Variants in EML1 observed in about 807,000 individuals in gnomAD.
EML1 encodes the protein echinoderm microtubule-associated protein-like 1.
EML1 carries 27 observed loss-of-function variants against 110.4 expected under a neutral mutation model. That is an observed-to-expected ratio of 0.24 (90% CI 0.18 to 0.34). The LOEUF (loss-of-function observed/expected upper bound fraction) is 0.34, where lower values mean the gene tolerates loss of function less well. Among genes scored for constraint, EML1 ranks in the 10% least tolerant of loss-of-function variants. EML1 has a pLI of 1.00. For missense variants in EML1, 741 were observed against 1,030.9 expected, an observed-to-expected ratio of 0.72 and a Z score of 3.85; for synonymous variants, 344 against 385.8, an observed-to-expected ratio of 0.89 and a Z score of 1.27.
At chr14:99,938,555 C>T (rs554553667) in intron 20 of EML1, among the ~76,000 whole-genome samples, 5 of 152,146 alleles carry the variant, frequency 3.3e-5, no homozygotes, top group South Asian at 4.2e-4. Flanking sequence ...CAGAAGAGGG[C>T]GTCCCCCACC....
chr14:99,898,142 T>C lies in EML1; in HGVS notation c.828-91T>C, dbSNP rs992275216. 22 of 1,066,968 alleles carry C rather than the reference T, an allele frequency of 2.1e-5. No individual in the cohort carries two copies. The South Asian group carries it at 2.8e-4, about 14-fold the overall frequency. 66.1% of individuals were successfully genotyped at this position (1,066,968 alleles called of 1,614,324 possible). A position where few individuals can be genotyped will look rare whatever the true frequency, so the allele number is the denominator to read the frequency against. On this transcript the variant is annotated intron_variant, in intron 7 of 21. Coordinates refer to ENST00000262233, the MANE Select transcript of EML1 (RefSeq NM_004434.3). ...GAAGTTAGGCATTATATATTTCTTA[T>C]ATTTAAATTTTTGACTAGATTATAT...
chr14:99,786,574 C>T (rs2057602449), intron 1 of EML1, among the ~76,000 whole-genome samples: 1 of 152,204 alleles, frequency 6.6e-6, no homozygotes, highest in Non-Finnish European at 1.5e-5. Flanking sequence ...GCAGCTCCTA[C>T]CCTGGCGGGC....
chr14:99,841,636 A>C (rs1474792486), intron 1 of EML1, among the ~76,000 whole-genome samples: 2 of 152,186 alleles, frequency 1.3e-5, no homozygotes, highest in Non-Finnish European at 2.9e-5. Flanking sequence ...CAAAGTTGGA[A>C]CGTGTAGCCC....
chr14:99,757,000 C>A (rs2057263394), intron 1 of EML1, among the ~76,000 whole-genome samples: 1 of 152,230 alleles, frequency 6.6e-6, no homozygotes, highest in African/African-American at 2.4e-5. Context: ...ACCGGCGGCA[C>A]AATTTGCAGG....
chr14:99,909,550 G>C, intron 11 of EML1, 71 bp downstream of exon 11: 2 of 1,588,526 alleles, frequency 1.3e-6, no homozygotes, highest in Non-Finnish European at 1.7e-6. Context: ...ATCTCTCTGG[G>C]GGCTCTGGTG....
intron 1 of EML1, among the ~76,000 whole-genome samples, chr14:99,813,252 A>T (rs2058111451): frequency 6.6e-6 from 1 of 152,118 alleles, no homozygotes; most frequent in Admixed American, 6.6e-5. Context: ...CTGGCTTTTG[A>T]TTTAAGGAAA....
At chr14:99,922,346 C>G (rs1215603973) in intron 17 of EML1, among the ~76,000 whole-genome samples, 1 of 152,130 alleles carries the variant, frequency 6.6e-6, no homozygotes, top group East Asian at 1.9e-4. Context: ...AAACTCCTGA[C>G]CTCAGGTGAT....
chr14:99,834,547 C>T (rs941180196), intron 1 of EML1, among the ~76,000 whole-genome samples: 3 of 152,088 alleles, frequency 2.0e-5, no homozygotes, highest in Non-Finnish European at 4.4e-5. Context: ...GGTTATGCAC[C>T]CGTGGCCTCC....
chr14:99,782,707 A>C (rs1203290545), intron 1 of EML1, among the ~76,000 whole-genome samples: 1 of 152,118 alleles, frequency 6.6e-6, no homozygotes, highest in East Asian at 1.9e-4. Context: ...AAATATGAGC[A>C]AGAGTTACCG....
chr14:99,891,602 G>T (rs868045859), intron 5 of EML1, among the ~76,000 whole-genome samples: 1 of 152,062 alleles, frequency 6.6e-6, no homozygotes, highest in Non-Finnish European at 1.5e-5. Context: ...TTTCTCTTAG[G>T]GGAAAGTTTC....
upstream of EML1, among the ~76,000 whole-genome samples, chr14:99,769,327 A>C (rs1451269977): frequency 6.6e-6 from 1 of 152,142 alleles, no homozygotes; most frequent in Non-Finnish European, 1.5e-5. Context: ...TGTTCCAAGG[A>C]TCATTTTCTC....
At chr14:99,917,094 C>T (rs1292572323) in intron 15 of EML1, among the ~76,000 whole-genome samples, 2 of 152,122 alleles carry the variant, frequency 1.3e-5, no homozygotes, top group Non-Finnish European at 2.9e-5. Flanking sequence ...AGTTGGGTGC[C>T]GTGGTTGTCT....
intron 2 of EML1, among the ~76,000 whole-genome samples, chr14:99,858,743 A>G (rs2058949277): frequency 6.6e-6 from 1 of 152,226 alleles, no homozygotes; most frequent in South Asian, 2.1e-4. Flanking sequence ...GCACTCAGCT[A>G]ATCATCTACT....
chr14:99,745,387 G>A (rs1019695727), intron 1 of EML1, among the ~76,000 whole-genome samples: 3 of 152,260 alleles, frequency 2.0e-5, no homozygotes, highest in Admixed American at 6.5e-5. Flanking sequence ...AATGGTGGGC[G>A]TGTACATACA....
rs532366649 is a variant in EML1 at position 99,777,243 on chromosome 14, T to A, written c.-27+3230T>A. Among the ~76,000 whole-genome samples the A allele has an allele frequency of 3.0e-4, 45 of 149,856 alleles. 1 individual carries two copies. Among genetic ancestry groups the A allele is most frequent in the Non-Finnish European group, 5.4e-4 (37 of 67,994 alleles). On this transcript the variant is annotated intron_variant, in intron 1 of 22. Coordinates refer to the EML1 transcript ENST00000327921. The stretch of plus-strand genomic sequence containing the variant: ...AAATTTATCAGTTACAGACTGCACG[T>A]ACTTAAAAAAAAAAATCAAGCAGTT...
chr14:99,853,408 G>A (rs1374323657), intron 2 of EML1, among the ~76,000 whole-genome samples: 6 of 152,010 alleles, frequency 3.9e-5, no homozygotes, highest in Non-Finnish European at 4.4e-5. Context: ...GGGTGTGCCC[G>A]TGGGAGGGGT....
intron 4 of EML1, among the ~76,000 whole-genome samples, chr14:99,881,531 T>C (rs2059383713): frequency 6.6e-6 from 1 of 152,156 alleles, no homozygotes; most frequent in Non-Finnish European, 1.5e-5. Context: ...TCCTAAATAT[T>C]AACCTTTTCT....
chr14:99,826,822 G>A (rs1797995013), intron 1 of EML1, among the ~76,000 whole-genome samples: 1 of 152,156 alleles, frequency 6.6e-6, no homozygotes, highest in African/African-American at 2.4e-5. Flanking sequence ...CCAAGGAGTG[G>A]AAACAAATCA....
intron 1 of EML1, among the ~76,000 whole-genome samples, chr14:99,766,005 C>G (rs923708719): frequency 3.4e-4 from 52 of 152,162 alleles, no homozygotes; most frequent in Admixed American, 3.1e-3. Flanking sequence ...AAAATGATTA[C>G]TACATTTTAT....
Sources: gnomAD v4.1 joint callset for allele counts (sites outside exome capture counted in the v4.1 genomes callset) on GRCh38, gnomAD v4.1.1 for gene constraint, MANE v1.5 for transcripts, NCBI Gene and HGNC (gene_info 2026-07-23, HGNC 2026-07-21) for gene names.